Variants in TRIM55 observed in about 807,000 individuals in gnomAD.
TRIM55 encodes the protein tripartite motif containing 55.
TRIM55 carries 50 observed loss-of-function variants against 60.9 expected under a neutral mutation model. The ratio of observed to expected loss-of-function variants is 0.82; its 90% CI spans 0.65 to 1.04. The LOEUF is 1.04. TRIM55 is among the 50% of genes least tolerant of loss of function. The pLI, the probability that TRIM55 is intolerant of heterozygous loss-of-function variation, is 0.00. For missense variants in TRIM55, 681 were observed against 666.9 expected (o/e 1.02, Z -0.23); for synonymous variants, 237 against 238.1 (o/e 1.00, Z 0.04).
chr8:66,170,630 C>T (rs1362301283), intron 9 of TRIM55, among the ~76,000 whole-genome samples: 1 of 151,970 alleles, frequency 6.6e-6, no homozygotes, highest in Non-Finnish European at 1.5e-5. Context: ...AAAAAAAATA[C>T]CCTGCAAACA....
chr8:66,123,440 T>C (rs141448959), upstream of TRIM55, among the ~76,000 whole-genome samples: 523 of 152,314 alleles, frequency 3.4e-3, 1 homozygote, highest in African/African-American at 0.012. Flanking sequence ...TTTACTCTTT[T>C]TCATTGACAT....
chr8:66,154,174 C>A lies in TRIM55; in HGVS notation c.1364C>A (p.Thr455Asn), dbSNP rs964236762. Residue 455 changes from threonine (T) to asparagine (N), a missense_variant, in exon 9 of 10, where the codon ACC becomes AAC. Coordinates refer to ENST00000315962, the MANE Select transcript of TRIM55 (RefSeq NM_184085.2). Reference protein sequence around the residue: ...WYKGQTRKATTNPPCTPGSEG... With the variant: ...WYKGQTRKATNNPPCTPGSEG... Reference sequence around the variant, plus strand: ...AAAGGCCAAACCCGGAAAGCCACCACCAACCCACCTTGCACCCCAGGGAGC... The same window carrying A: ...AAAGGCCAAACCCGGAAAGCCACCAACAACCCACCTTGCACCCCAGGGAGC... 1 of 1,614,170 alleles carries A rather than the reference C, an allele frequency of 6.2e-7. No homozygotes were observed. The highest frequency in any genetic ancestry group is 1.3e-5 in the African/African-American group (1 of 75,040).
chr8:66,114,615 A>G, the TRIM55 span: 1 of 456,364 alleles, frequency 2.2e-6, no homozygotes, highest in Non-Finnish European at 4.4e-6. Context: ...CAGGGAAAAC[A>G]AAACAAGAAA....
intron 7 of TRIM55, 153 bp from the exon 8 acceptor site, chr8:66,152,224 C>G (rs897732878): frequency 9.7e-7 from 1 of 1,034,796 alleles, no homozygotes; most frequent in Non-Finnish European, 1.4e-6. Flanking sequence ...AAGCACAAAG[C>G]CCTGGCACGG....
At chr8:66,124,688 G>A (rs1232068605), upstream of TRIM55, among the ~76,000 whole-genome samples, 1 of 152,220 alleles carries the variant, frequency 6.6e-6, no homozygotes, top group African/African-American at 2.4e-5. Flanking sequence ...ACTGCGTCAG[G>A]CAAACCTGCC....
At chr8:66,132,615 A>C (rs1388576102) in intron 2 of TRIM55, among the ~76,000 whole-genome samples, 1 of 152,232 alleles carries the variant, frequency 6.6e-6, no homozygotes, top group Non-Finnish European at 1.5e-5. Flanking sequence ...GTGAGGGGCC[A>C]CAGCCAACAT....
the TRIM55 span, chr8:66,114,748 G>T: frequency 2.5e-6 from 1 of 400,394 alleles, no homozygotes; most frequent in South Asian, 1.8e-5. Context: ...ATCCGAGGTG[G>T]ATAGGACAAG....
At chr8:66,153,346 G>A (rs977886040) in intron 8 of TRIM55, among the ~76,000 whole-genome samples, 2 of 152,168 alleles carry the variant, frequency 1.3e-5, no homozygotes, top group Non-Finnish European at 2.9e-5. Context: ...ATACGTCACC[G>A]TCCAGTTTTC....
At chr8:66,135,316 T>G (rs982965200) in intron 3 of TRIM55, among the ~76,000 whole-genome samples, 161 bp downstream of exon 3, 3 of 152,192 alleles carry the variant, frequency 2.0e-5, no homozygotes, top group African/African-American at 4.8e-5. Context: ...GGAAGACATG[T>G]GCACAGTTGT....
intron 4 of TRIM55, among the ~76,000 whole-genome samples, chr8:66,142,991 T>A (rs921143018): frequency 1.5e-4 from 22 of 150,900 alleles, no homozygotes; most frequent in African/African-American, 5.5e-4. Context: ...AGGCTGCTTT[T>A]CTTTTCTTTT....
At chr8:66,149,494 A>G (rs1409756006) in intron 4 of TRIM55, 151 bp from the exon 5 acceptor site, 2 of 610,098 alleles carry the variant, frequency 3.3e-6, no homozygotes, top group Non-Finnish European at 5.8e-6. Context: ...GCACCAACAT[A>G]GTGGGTATCC....
chr8:66,145,508 G>A (rs1185302861), intron 4 of TRIM55, among the ~76,000 whole-genome samples: 1 of 152,016 alleles, frequency 6.6e-6, no homozygotes, highest in African/African-American at 2.4e-5. Context: ...CAAAACAATG[G>A]AAAATTATGG....
At chr8:66,171,585 G>A (rs949664554) in intron 9 of TRIM55, among the ~76,000 whole-genome samples, 2 of 152,206 alleles carry the variant, frequency 1.3e-5, no homozygotes, top group African/African-American at 4.8e-5. Context: ...CAAGCAGATA[G>A]AGGAGATCAG....
rs1811829007 is a variant in TRIM55 at position 66,174,670 on chromosome 8, T to C, written c.*77T>C. 7.0e-7 allele frequency: 1 copy of C among 1,427,400 alleles called. No individual in the cohort carries two copies. Among genetic ancestry groups the C allele is most frequent in the East Asian group, 2.8e-5 (1 of 35,520 alleles). 88.4% of individuals were successfully genotyped at this position (1,427,400 alleles called of 1,614,324 possible). On this transcript the variant is annotated 3_prime_UTR_variant, in exon 10 of 10. Transcript: ENST00000315962. ...CAGCAGGAAGCCCAAGTGAAATTAA[T>C]ATTATGCAGATGATGAAAGGGACCT...
chr8:66,169,929 A>G (rs2128986644), intron 9 of TRIM55, among the ~76,000 whole-genome samples: 1 of 152,346 alleles, frequency 6.6e-6, no homozygotes, highest in African/African-American at 2.4e-5. Flanking sequence ...AATGCAGAAT[A>G]TAGATTTACC....
At chr8:66,125,053 C>T (rs1563628383), upstream of TRIM55, among the ~76,000 whole-genome samples, 1 of 152,246 alleles carries the variant, frequency 6.6e-6, no homozygotes, top group Non-Finnish European at 1.5e-5. Context: ...TGATCAAAGA[C>T]TCAGAAGAAT....
chr8:66,151,979 A>C (rs774980760), intron 7 of TRIM55, among the ~76,000 whole-genome samples: 1 of 152,230 alleles, frequency 6.6e-6, no homozygotes, highest in Non-Finnish European at 1.5e-5. Context: ...AGGGCTTTGT[A>C]TGTTTTCTGA....
Position 66,128,346 on chromosome 8 carries a change from G to T in TRIM55, c.211G>T (p.Ala71Ser). 1 of 1,613,222 alleles carries T rather than the reference G, an allele frequency of 6.2e-7. No homozygotes were observed. The highest frequency in any genetic ancestry group is 8.5e-7 in the Non-Finnish European group (1 of 1,179,560). The change falls in exon 2 of 10, where the codon GCA becomes TCA. Residue 71 changes from alanine (A) to serine (S), a missense_variant. Physicochemically the swap from Ala to Ser is moderately conservative, Grantham distance 99. Transcript: ENST00000315962. ...YLPTRGGTTM[A>S]SGGRFRCPSC... ...GCCCACAAGAGGAGGTACCACCATG[G>T]CATCAGGGGGCCGATTCCGCTGCCC...
At chr8:66,118,997 AT>A in the TRIM55 span, among the ~76,000 whole-genome samples, 3 of 152,214 alleles carry the variant, frequency 2.0e-5, no homozygotes, top group African/African-American at 7.2e-5. Flanking sequence ...TTTGCACAAG[AT>A]TAAGTGTTGA....
Sources: allele counts gnomAD v4.1 joint callset (sites outside exome capture counted in the v4.1 genomes callset), GRCh38; gene constraint gnomAD v4.1.1; transcripts MANE v1.5; gene names NCBI Gene and HGNC (gene_info 2026-07-23, HGNC 2026-07-21).